PRR16: variants seen among roughly 807,000 people sequenced by gnomAD.
PRR16 encodes proline rich 16, also known as protein Largen.
PRR16 carries 6 observed loss-of-function variants against 18.2 expected under a neutral mutation model. The ratio of observed to expected loss-of-function variants is 0.33; its 90% CI spans 0.18 to 0.65. The LOEUF is 0.65. Ranked by LOEUF, PRR16 falls within the 30% of genes least tolerant of loss-of-function variation. The pLI is 0.74. For missense variants in PRR16, 412 were observed against 376.6 expected (o/e 1.09, Z -0.78); for synonymous variants, 151 against 147.8 (o/e 1.02, Z -0.16).
chr5:120,739,700 T>G, the PRR16 span, among the ~76,000 whole-genome samples: 1 of 152,192 alleles, frequency 6.6e-6, no homozygotes, highest in Non-Finnish European at 1.5e-5. Flanking sequence ...TATAGAAGTT[T>G]CTTTGCTTCT....
chr5:120,728,279 T>C, the PRR16 span, among the ~76,000 whole-genome samples: 2 of 151,370 alleles, frequency 1.3e-5, no homozygotes, highest in Admixed American at 6.6e-5. Context: ...CATACTACAA[T>C]AGTTTGATAT....
At chr5:120,503,908 T>G (rs13357191) in intron 1 of PRR16, among the ~76,000 whole-genome samples, 1 of 151,348 alleles carries the variant, frequency 6.6e-6, no homozygotes, top group Non-Finnish European at 1.5e-5. Context: ...TTTGTCCTTG[T>G]GATAGTTTAC....
chr5:120,513,444 T>G (rs545610903), intron 1 of PRR16, among the ~76,000 whole-genome samples: 4 of 152,258 alleles, frequency 2.6e-5, no homozygotes, highest in African/African-American at 9.6e-5. Flanking sequence ...TCACTCTCCT[T>G]TGCTCATTGT....
At chr5:120,774,080 G>C in the PRR16 span, among the ~76,000 whole-genome samples, 1 of 146,026 alleles carries the variant, frequency 6.8e-6, no homozygotes, top group Admixed American at 6.8e-5. Flanking sequence ...TTGATTTCCT[G>C]TTGCTATGAA....
the PRR16 span, among the ~76,000 whole-genome samples, chr5:120,754,253 T>A: frequency 1.5e-4 from 3 of 19,990 alleles, no homozygotes; most frequent in South Asian, 1.5e-3. Context: ...GATATTATAA[T>A]ATAAAAATAT....
chr5:120,618,292 C>G (rs1666121441), intron 1 of PRR16: 1 of 177,754 alleles, frequency 5.6e-6, no homozygotes, highest in African/African-American at 2.4e-5. Context: ...TGACAACACT[C>G]TATTTGAATG....
intron 1 of PRR16, among the ~76,000 whole-genome samples, chr5:120,652,234 G>GTT (rs199940712): frequency 2.0e-5 from 3 of 151,888 alleles, no homozygotes; most frequent in Non-Finnish European, 4.4e-5. Context: ...TGGTGTCTAT[G>GTT]TTTTTTTTGT....
chr5:120,750,939 C>A, the PRR16 span, among the ~76,000 whole-genome samples: 1 of 152,268 alleles, frequency 6.6e-6, no homozygotes, highest in South Asian at 2.1e-4. Flanking sequence ...TTATCCCCTA[C>A]TCCCTACCAC....
intron 1 of PRR16, among the ~76,000 whole-genome samples, chr5:120,580,737 G>A (rs1475382098): frequency 6.6e-6 from 1 of 152,070 alleles, no homozygotes. Flanking sequence ...TTACAGGAGT[G>A]AGGGATTTTG....
At chr5:120,746,988 A>C in the PRR16 span, among the ~76,000 whole-genome samples, 5 of 152,184 alleles carry the variant, frequency 3.3e-5, no homozygotes, top group Admixed American at 1.3e-4. Flanking sequence ...TAAGTGAAAA[A>C]ATTAAAATAT....
downstream of PRR16, among the ~76,000 whole-genome samples, chr5:120,691,869 A>C (rs1398097228): frequency 1.3e-5 from 2 of 152,222 alleles, no homozygotes; most frequent in Non-Finnish European, 2.9e-5. Context: ...ACTTTATTCT[A>C]AACACTCTTC....
chr5:120,528,265 A>C (rs1257323248), intron 1 of PRR16, among the ~76,000 whole-genome samples: 1 of 152,176 alleles, frequency 6.6e-6, no homozygotes, highest in Non-Finnish European at 1.5e-5. Flanking sequence ...CTAAGTCAGC[A>C]TCATGGAGAG....
chr5:120,764,758 A>T, the PRR16 span, among the ~76,000 whole-genome samples: 2 of 152,134 alleles, frequency 1.3e-5, no homozygotes, highest in African/African-American at 4.8e-5. Flanking sequence ...GGTCATCCTC[A>T]ATTACCTGTC....
At chr5:120,769,447 G>C in the PRR16 span, among the ~76,000 whole-genome samples, 5 of 151,744 alleles carry the variant, frequency 3.3e-5, no homozygotes, top group South Asian at 2.1e-4. Context: ...TTGTACATCA[G>C]ATCTCTAGCA....
intron 1 of PRR16, among the ~76,000 whole-genome samples, chr5:120,606,604 G>T (rs1433177311): frequency 6.6e-6 from 1 of 151,782 alleles, no homozygotes; most frequent in Non-Finnish European, 1.5e-5. Context: ...ATGCTCTTAG[G>T]ACAAATGTGA....
At chr5:120,730,048 T>A in the PRR16 span, among the ~76,000 whole-genome samples, 1 of 152,122 alleles carries the variant, frequency 6.6e-6, no homozygotes, top group African/African-American at 2.4e-5. Context: ...GTATGAGACG[T>A]CAACCAGAAA....
At chr5:120,602,563 T>C (rs1754018096) in intron 1 of PRR16, among the ~76,000 whole-genome samples, 1 of 152,138 alleles carries the variant, frequency 6.6e-6, no homozygotes, top group African/African-American at 2.4e-5. Context: ...TATTTCTTTC[T>C]CTTGTCTGAT....
chr5:120,696,171 G>A, the PRR16 span, among the ~76,000 whole-genome samples: 1 of 152,290 alleles, frequency 6.6e-6, no homozygotes, highest in African/African-American at 2.4e-5. Context: ...GAACCCAGGA[G>A]GTGGAGGTTG....
intron 1 of PRR16, among the ~76,000 whole-genome samples, chr5:120,519,631 C>G (rs910841562): frequency 1.3e-5 from 2 of 152,026 alleles, no homozygotes; most frequent in African/African-American, 4.8e-5. Flanking sequence ...TTTAGCAATG[C>G]TAATTATGAT....
Sources: allele counts gnomAD v4.1 joint callset (sites outside exome capture counted in the v4.1 genomes callset), GRCh38; gene constraint gnomAD v4.1.1; transcripts MANE v1.5; gene names NCBI Gene and HGNC (gene_info 2026-07-23, HGNC 2026-07-21).